SORCS3: variants seen among roughly 807,000 people sequenced by gnomAD.
SORCS3 encodes the protein sortilin related VPS10 domain containing receptor 3.
SORCS3 carries 57 observed loss-of-function variants against 146.3 expected under a neutral mutation model. The ratio of observed to expected loss-of-function variants is 0.39; its 90% CI spans 0.31 to 0.49. SORCS3 has a LOEUF of 0.49. Among genes scored for constraint, SORCS3 ranks in the 20% least tolerant of loss-of-function variants. The pLI is 0.92. For missense variants in SORCS3, 1,341 were observed against 1,575.5 expected, an observed-to-expected ratio of 0.85 and a Z score of 2.52; for synonymous variants, 653 against 618.5, an observed-to-expected ratio of 1.06 and a Z score of -0.83.
intron 1 of SORCS3, among the ~76,000 whole-genome samples, chr10:104,654,565 T>G (rs892623489): frequency 6.6e-6 from 1 of 152,192 alleles, no homozygotes; most frequent in African/African-American, 2.4e-5. Context: ...GGAGATCCAC[T>G]TTTAAAAAAG....
At chr10:104,804,271 C>G (rs2017657667) in intron 1 of SORCS3, among the ~76,000 whole-genome samples, 1 of 152,226 alleles carries the variant, frequency 6.6e-6, no homozygotes, top group African/African-American at 2.4e-5. Context: ...CATATGACCA[C>G]TAAGTGGCCA....
chr10:105,051,254 A>G (rs773179321), intron 5 of SORCS3, among the ~76,000 whole-genome samples: 3 of 152,126 alleles, frequency 2.0e-5, no homozygotes, highest in Non-Finnish European at 4.4e-5. Context: ...ACTAATATAA[A>G]TCACATTGTC....
intron 1 of SORCS3, among the ~76,000 whole-genome samples, chr10:104,784,878 A>T (rs3001933): frequency 0.74 from 112,989 of 152,104 alleles, 42,186 homozygotes; most frequent in East Asian, 0.92. Flanking sequence ...TCTGGAGATG[A>T]TGTTGACTTG....
At chr10:105,241,504 C>T (rs183481184) in intron 20 of SORCS3, among the ~76,000 whole-genome samples, 6 of 152,308 alleles carry the variant, frequency 3.9e-5, no homozygotes, top group Non-Finnish European at 8.8e-5. Context: ...GGCAGCTGCC[C>T]TCTGCCACTG....
In SORCS3 at chr10:104,945,320, C is replaced by T. The variant is rs188052111; in HGVS notation, c.795+29388C>T. Among the ~76,000 whole-genome samples the T allele has an allele frequency of 1.1e-3, 167 of 152,148 alleles. 1 individual carries two copies. The highest frequency in any genetic ancestry group is 3.7e-3 in the African/African-American group (153 of 41,482). ...AGGCTGGAGTGCAGTTGCATGATCT[C>T]GGCTCAGGCTCACTGCAACCTCCAC... On this transcript the variant is annotated intron_variant, in intron 3 of 26. Transcript: ENST00000369701.
intron 2 of SORCS3, among the ~76,000 whole-genome samples, chr10:104,912,817 A>G (rs1223336457): frequency 6.6e-6 from 1 of 152,196 alleles, no homozygotes; most frequent in Admixed American, 6.5e-5. Flanking sequence ...AATAGGATAA[A>G]TGCTTAAATA....
intron 15 of SORCS3, 60 bp from the exon 16 acceptor site, chr10:105,201,060 T>C: frequency 1.3e-6 from 2 of 1,581,178 alleles, no homozygotes; most frequent in South Asian, 1.2e-5. Context: ...TGTTGACAAC[T>C]GGTTTATTTC....
intron 1 of SORCS3, among the ~76,000 whole-genome samples, chr10:104,839,247 T>C (rs1380330471): frequency 6.6e-6 from 1 of 152,158 alleles, no homozygotes; most frequent in Non-Finnish European, 1.5e-5. Flanking sequence ...ATCAATATAG[T>C]GTTTGTGATA....
chr10:104,904,624 G>A (rs1429025870), intron 2 of SORCS3, among the ~76,000 whole-genome samples: 1 of 151,740 alleles, frequency 6.6e-6, no homozygotes, highest in East Asian at 1.9e-4. Flanking sequence ...TGAAAAATAT[G>A]TAACAATATG....
intron 1 of SORCS3, among the ~76,000 whole-genome samples, chr10:104,832,990 G>T (rs887231753): frequency 6.6e-6 from 1 of 152,178 alleles, no homozygotes; most frequent in African/African-American, 2.4e-5. Flanking sequence ...CCTCACATGG[G>T]TGTCAGCTCC....
intron 2 of SORCS3, among the ~76,000 whole-genome samples, chr10:104,864,806 C>A (rs1354248020): frequency 1.3e-5 from 2 of 152,188 alleles, no homozygotes; most frequent in South Asian, 4.1e-4. Context: ...GGTGTTCTTT[C>A]AATCTCTAGA....
intron 1 of SORCS3, among the ~76,000 whole-genome samples, chr10:104,835,702 T>G (rs2018058289): frequency 6.6e-6 from 1 of 152,218 alleles, no homozygotes; most frequent in African/African-American, 2.4e-5. Context: ...TGCGGCCTCC[T>G]GCATTGCAGT....
At chr10:105,093,577 T>C (rs2055725057) in intron 6 of SORCS3, among the ~76,000 whole-genome samples, 1 of 152,072 alleles carries the variant, frequency 6.6e-6, no homozygotes. Context: ...TAAATAAAAG[T>C]TTGAATAGAT....
At chr10:104,703,841 A>T (rs950672326) in intron 1 of SORCS3, among the ~76,000 whole-genome samples, 1 of 151,714 alleles carries the variant, frequency 6.6e-6, no homozygotes, top group Admixed American at 6.6e-5. Context: ...AAACCTGAGG[A>T]GATTACCATT....
intron 25 of SORCS3, 114 bp from the exon 26 acceptor site, chr10:105,262,216 GA>G: frequency 1.1e-6 from 1 of 952,080 alleles, no homozygotes; most frequent in Non-Finnish European, 1.6e-6. Flanking sequence ...ATCTTTCCCT[GA>G]CATGGACCCT....
At chr10:104,783,569 A>G (rs922277226) in intron 1 of SORCS3, among the ~76,000 whole-genome samples, 1 of 152,134 alleles carries the variant, frequency 6.6e-6, no homozygotes, top group Non-Finnish European at 1.5e-5. Context: ...CTCTGCAAAA[A>G]TTCAAAAATT....
intron 5 of SORCS3, among the ~76,000 whole-genome samples, chr10:105,066,552 C>G (rs1014364598): frequency 5.9e-5 from 9 of 152,090 alleles, no homozygotes; most frequent in African/African-American, 2.2e-4. Flanking sequence ...ATCTAGAGAC[C>G]TTACTGTATT....
rs2017685437 is a variant in SORCS3 at position 104,806,999 on chromosome 10, T to C, written c.628-35793T>C. 1.3e-5 allele frequency among the ~76,000 whole-genome samples: 2 copies of C among 152,096 alleles called. 1 individual carries two copies. The highest frequency in any genetic ancestry group is 4.1e-4 in the South Asian group (2 of 4,824). Reference sequence around the variant, plus strand: ...AAACTTTCTGGACCTTGGGGAATTTTTGGGAAGAACCAGATTCTTTAGAGT... The same window carrying C: ...AAACTTTCTGGACCTTGGGGAATTTCTGGGAAGAACCAGATTCTTTAGAGT... On this transcript the variant is annotated intron_variant, in intron 1 of 26. Transcript: ENST00000369701.
chr10:104,968,124 G>C (rs1055075527), intron 3 of SORCS3, among the ~76,000 whole-genome samples: 3 of 151,972 alleles, frequency 2.0e-5, no homozygotes, highest in Non-Finnish European at 2.9e-5. Context: ...TAACAGACTT[G>C]GGATAATTGC....
Sources: allele counts gnomAD v4.1 joint callset (sites outside exome capture counted in the v4.1 genomes callset), GRCh38; gene constraint gnomAD v4.1.1; transcripts MANE v1.5; gene names NCBI Gene and HGNC (gene_info 2026-07-23, HGNC 2026-07-21).